Variants in SRSF10 observed in about 807,000 individuals in gnomAD.
SRSF10 encodes serine and arginine rich splicing factor 10.
A neutral mutation model predicts 32.6 loss-of-function variants in SRSF10; 9 were observed. The ratio of observed to expected loss-of-function variants is 0.28; its 90% CI spans 0.17 to 0.48. The LOEUF (loss-of-function observed/expected upper bound fraction) is 0.48, where lower values mean the gene tolerates loss of function less well. SRSF10 is among the 20% of genes least tolerant of loss of function. The probability of loss-of-function intolerance (pLI) is 0.99; values close to 1 mark genes in which losing one functional copy is unlikely to be tolerated. For missense variants in SRSF10, 201 were observed against 331.8 expected (o/e 0.61, Z 3.06); for synonymous variants, 105 against 112.4 (o/e 0.93, Z 0.42).
chr1:23,978,093 T>A (rs1642199854), intron 2 of SRSF10: 1 of 985,320 alleles, frequency 1.0e-6, no homozygotes, highest in Admixed American at 6.1e-5. Flanking sequence ...TTGTCTCCCA[T>A]TAGGCTTGTC....
rs888541927 is a variant in SRSF10, at chr1:23,968,196, T to C, written c.*2946A>G. Among the ~76,000 whole-genome samples, 26 of 152,286 alleles carry C rather than the reference T, an allele frequency of 1.7e-4. No homozygotes were observed. In the East Asian group the frequency reaches 4.2e-3, roughly 25 times the overall value. ...AACTACCATGGGTTCAACTGTAATA[T>C]AGTCCTTTTGAAGCTGTTAGGTGTG... On this transcript the variant is annotated 3_prime_UTR_variant, in exon 6 of 6. Coordinates refer to ENST00000492112, the MANE Select transcript of SRSF10 (RefSeq NM_054016.4).
In SRSF10 at chr1:23,966,274, T is replaced by C. The variant is rs1641446700; in HGVS notation, c.*4868A>G. 1 of 152,084 alleles carries C rather than the reference T, an allele frequency of 6.6e-6. No individual in the cohort carries two copies. Among genetic ancestry groups the C allele is most frequent in the African/African-American group, 2.4e-5 (1 of 41,560 alleles). The allele number at this position is 152,084 out of a possible 1,614,324, so 9.4% of individuals were successfully genotyped here. Reference sequence around the variant, plus strand: ...TTGAAAATATACCTCTGCTATATTTTCAAAATTGCTACAAATTAAAAGCTT... The same window carrying C: ...TTGAAAATATACCTCTGCTATATTTCCAAAATTGCTACAAATTAAAAGCTT... On this transcript the variant is annotated 3_prime_UTR_variant, in exon 6 of 6. Transcript: ENST00000492112.
At chr1:23,972,081 GAAAA>G (rs1361495210) in intron 3 of SRSF10, 69 bp from the exon 4 acceptor site, 1 of 1,339,034 alleles carries the variant, frequency 7.5e-7, no homozygotes, top group East Asian at 2.7e-5. Flanking sequence ...AATAAATAGG[GAAAA>G]AAATCCCTGC....
Position 23,964,821 on chromosome 1 carries a change from G to C in SRSF10, c.*6321C>G, listed in dbSNP as rs1463024860. On this transcript the variant is annotated 3_prime_UTR_variant, in exon 6 of 6. Coordinates refer to ENST00000492112, the MANE Select transcript of SRSF10 (RefSeq NM_054016.4). Reference sequence around the variant, plus strand: ...ACCCAAGATTTATTTTTGGCTCCTAGACCAGTTTATTTCACTTTCCAGCAT... The same window carrying C: ...ACCCAAGATTTATTTTTGGCTCCTACACCAGTTTATTTCACTTTCCAGCAT... The C allele has an allele frequency of 2.0e-5, 3 of 151,848 alleles. No homozygotes were observed. Among genetic ancestry groups the C allele is most frequent in the Non-Finnish European group, 4.4e-5 (3 of 67,824 alleles). The allele number at this position is 151,848 out of a possible 1,614,324, so 9.4% of individuals were successfully genotyped here.
chr1:23,970,212 C>T lies in SRSF10; in HGVS notation c.*930G>A. The T allele has an allele frequency of 1.0e-6, 1 of 985,354 alleles. No individual in the cohort carries two copies. 61.0% of individuals were successfully genotyped at this position (985,354 alleles called of 1,614,324 possible). On this transcript the variant is annotated 3_prime_UTR_variant, in exon 6 of 6. Coordinates refer to ENST00000492112, the MANE Select transcript of SRSF10 (RefSeq NM_054016.4). ...TTTTTGTGTTTTCTATGTTCCAAAT[C>T]TTCATAGGAACCAGAAAAAAAGCAG...
At position 23,967,906 on chromosome 1, in the gene SRSF10, T is replaced by C. The variant is rs754722507; in HGVS notation, c.*3236A>G. The C allele has an allele frequency of 1.3e-5, 20 of 1,549,440 alleles. No homozygotes were observed. The highest frequency in any genetic ancestry group is 1.7e-4 in the Middle Eastern group (1 of 6,014). On this transcript the variant is annotated 3_prime_UTR_variant, in exon 6 of 6. Transcript: ENST00000492112. ...AACAGCTCATACTCTATGTAGCACC[T>C]TTCCTCTCTCACTGAAGCATTATCT...
intron 3 of SRSF10, among the ~76,000 whole-genome samples, chr1:23,973,913 A>C (rs1641920923): frequency 6.6e-6 from 1 of 152,128 alleles, no homozygotes; most frequent in Non-Finnish European, 1.5e-5. Flanking sequence ...CATAACCAGG[A>C]ATCTATTACC....
rs1229167807 is a variant in SRSF10 at position 23,967,823 on chromosome 1, C to A, written c.*3319G>T. ...GAACTGGATGTAGCAGCTTACTGGG[C>A]CAAATTTTCAAGAGAATAATACAAT... On this transcript the variant is annotated 3_prime_UTR_variant, in exon 6 of 6. Coordinates refer to ENST00000492112, the MANE Select transcript of SRSF10 (RefSeq NM_054016.4). 5 of 1,569,560 alleles carry A rather than the reference C, an allele frequency of 3.2e-6. No individual in the cohort carries two copies. In the East Asian group the frequency reaches 1.1e-4, roughly 36 times the overall value.
rs1471291808 is a variant in SRSF10 at position 23,967,404 on chromosome 1, C to T, written c.*3738G>A. 3 of 358,768 alleles carry T rather than the reference C, an allele frequency of 8.4e-6. No homozygotes were observed. The highest frequency in any genetic ancestry group is 1.5e-5 in the Non-Finnish European group (3 of 196,890). The allele number at this position is 358,768 out of a possible 1,614,324, so 22.2% of individuals were successfully genotyped here. On this transcript the variant is annotated 3_prime_UTR_variant, in exon 6 of 6. Coordinates refer to ENST00000492112, the MANE Select transcript of SRSF10 (RefSeq NM_054016.4). ...CTAGTTTCCAATAATTTATTATGGA[C>T]CTGTTACCCATGAATCAATATAAAC... is the stretch of plus-strand genomic sequence containing the variant.
At position 23,968,099 on chromosome 1, in the gene SRSF10, G is replaced by GA; in HGVS notation, c.*3042dup. On this transcript the variant is annotated 3_prime_UTR_variant, in exon 6 of 6. Coordinates refer to ENST00000492112, the MANE Select transcript of SRSF10 (RefSeq NM_054016.4). Reference sequence around the variant, plus strand: ...CAGTAGGTAAACTCAGTAAGTGGGGGACTCAACTACATCACCCAAAACTAA... The same window carrying GA: ...CAGTAGGTAAACTCAGTAAGTGGGGGAACTCAACTACATCACCCAAAACTAA... The GA allele has an allele frequency of 7.2e-7, 1 of 1,391,742 alleles. No individual in the cohort carries two copies. The highest frequency in any genetic ancestry group is 2.6e-5 in the Admixed American group (1 of 38,768). The allele number at this position is 1,391,742 out of a possible 1,614,324, so 86.2% of individuals were successfully genotyped here.
Position 23,971,900 on chromosome 1 carries a change from T to C in SRSF10, c.387A>G (p.Ser129=). 2 of 1,608,630 alleles carry C rather than the reference T, an allele frequency of 1.2e-6. No individual in the cohort carries two copies. Among genetic ancestry groups the C allele is most frequent in the Non-Finnish European group, 8.5e-7 (1 of 1,178,374 alleles). Residue 129 remains serine, a synonymous_variant, in exon 4 of 6, where the codon TCA becomes TCG. Coordinates refer to ENST00000492112, the MANE Select transcript of SRSF10 (RefSeq NM_054016.4). ...AGTTGTAATCAAAAGACCGACTTCT[T>C]GATCTCCTCCTTTCATAACTTCGGC... The part of the protein sequence containing the change: ...SRSRSYERRR[S]RSRSFDYNYR...
rs1184482385 is a variant in SRSF10 at position 23,964,626 on chromosome 1, G to GA, written c.*6515dup. Among the ~76,000 whole-genome samples the GA allele has an allele frequency of 1.3e-5, 2 of 151,828 alleles. No homozygotes were observed. Among genetic ancestry groups the GA allele is most frequent in the African/African-American group, 2.4e-5 (1 of 41,372 alleles). On this transcript the variant is annotated 3_prime_UTR_variant, in exon 6 of 6. Transcript: ENST00000492112. Reference sequence around the variant, plus strand: ...CCTCTTCCCTAGAACTACAACACAGGAAAAAACCTGAAAGGTTTTGTGTAA... The same window carrying GA: ...CCTCTTCCCTAGAACTACAACACAGGAAAAAAACCTGAAAGGTTTTGTGTAA...
chr1:23,978,918 G>C (rs950203763), intron 1 of SRSF10, 101 bp from the exon 2 acceptor site: 75 of 1,063,092 alleles, frequency 7.1e-5, no homozygotes, highest in Non-Finnish European at 9.8e-5. Context: ...CCAAGAATTT[G>C]GAAGATAAAA....
In SRSF10 at chr1:23,971,440, C is replaced by T; in HGVS notation, c.492-1G>A. On this transcript the variant is annotated splice_acceptor_variant, in intron 5 of 5. Coordinates refer to ENST00000492112, the MANE Select transcript of SRSF10 (RefSeq NM_054016.4). LOFTEE classifies it high-confidence loss of function. ...AAAAGATCGATTTCGGTGTTTGAATCTTTCAAAACAGAGGAGAGATATAAT... is the reference window on the plus strand; with the variant it reads ...AAAAGATCGATTTCGGTGTTTGAATTTTTCAAAACAGAGGAGAGATATAAT... 1 of 1,606,234 alleles carries T rather than the reference C, an allele frequency of 6.2e-7. No homozygotes were observed. Among genetic ancestry groups the T allele is most frequent in the Non-Finnish European group, 8.5e-7 (1 of 1,177,708 alleles).
At position 23,978,603 on chromosome 1, in the gene SRSF10, G is replaced by A. The variant is rs1438176308; in HGVS notation, c.170+110C>T. 4 of 1,340,282 alleles carry A rather than the reference G, an allele frequency of 3.0e-6. No individual in the cohort carries two copies. The East Asian group carries it at 7.5e-5, about 25-fold the overall frequency. 83.0% of individuals were successfully genotyped at this position (1,340,282 alleles called of 1,614,324 possible). On this transcript the variant is annotated intron_variant, in intron 2 of 5. Coordinates refer to ENST00000492112, the MANE Select transcript of SRSF10 (RefSeq NM_054016.4). ...ATTAATTTTCAAAAATTTGAAGACAGACATTTATTAGAGGACAAAAAGAAC... is the reference window on the plus strand; with the variant it reads ...ATTAATTTTCAAAAATTTGAAGACAAACATTTATTAGAGGACAAAAAGAAC...
chr1:23,974,167 AT>A (rs1641941925), intron 3 of SRSF10, among the ~76,000 whole-genome samples: 1 of 151,700 alleles, frequency 6.6e-6, no homozygotes, highest in Non-Finnish European at 1.5e-5. Context: ...AATTTTTTCT[AT>A]TTTTAGTATA....
intron 5 of SRSF10, 51 bp downstream of exon 5, chr1:23,971,522 C>T (rs1185706433): frequency 6.3e-7 from 1 of 1,592,368 alleles, no homozygotes; most frequent in Non-Finnish European, 8.5e-7. Flanking sequence ...AGCAAAAGTT[C>T]ACTCTGAAAT....
chr1:23,969,353 A>G lies in SRSF10; in HGVS notation c.*1789T>C. On this transcript the variant is annotated 3_prime_UTR_variant, in exon 6 of 6. Transcript: ENST00000492112. ...TAAACTATACATCCAGGAAAATCTA[A>G]AAAAATTAAAGAAACGTGCATATAA... The G allele has an allele frequency of 1.0e-6, 1 of 985,626 alleles. No individual in the cohort carries two copies. 61.1% of individuals were successfully genotyped at this position (985,626 alleles called of 1,614,324 possible).
In SRSF10 at chr1:23,965,883, G is replaced by A. The variant is rs1359177845; in HGVS notation, c.*5259C>T. On this transcript the variant is annotated 3_prime_UTR_variant, in exon 6 of 6. Coordinates refer to ENST00000492112, the MANE Select transcript of SRSF10 (RefSeq NM_054016.4). ...AAAGGAAATGGAGAAGGGAGGTAGA[G>A]GGCAAAAAAGTCTATAGCCTCTACA... The A allele has an allele frequency of 1.3e-5, 2 of 151,680 alleles. No individual in the cohort carries two copies. Among genetic ancestry groups the A allele is most frequent in the African/African-American group, 2.4e-5 (1 of 41,346 alleles). 9.4% of individuals were successfully genotyped at this position (151,680 alleles called of 1,614,324 possible).
Sources: gnomAD v4.1 joint callset for allele counts (sites outside exome capture counted in the v4.1 genomes callset) on GRCh38, gnomAD v4.1.1 for gene constraint, MANE v1.5 for transcripts, NCBI Gene and HGNC (gene_info 2026-07-23, HGNC 2026-07-21) for gene names.